The following RNF216 variants were observed in gnomAD, a reference collection of about 807,000 sequenced individuals.
RNF216 encodes ring finger protein 216, also known as E3 ubiquitin-protein ligase RNF216.
Under a neutral mutation model 110.8 loss-of-function variants are expected in RNF216, and 72 were observed. That is an observed-to-expected ratio of 0.65 (90% CI 0.54 to 0.79). The LOEUF (loss-of-function observed/expected upper bound fraction) is 0.79, where lower values mean the gene tolerates loss of function less well. Among genes scored for constraint, RNF216 ranks in the 30% least tolerant of loss-of-function variants. The pLI, the probability that RNF216 is intolerant of heterozygous loss-of-function variation, is 0.00. For missense variants in RNF216, 1,342 were observed against 1,141.2 expected, an observed-to-expected ratio of 1.18 and a Z score of -2.54; for synonymous variants, 495 against 407.5, an observed-to-expected ratio of 1.21 and a Z score of -2.59.
At chr7:5,684,545 C>T (rs921571122) in intron 13 of RNF216, among the ~76,000 whole-genome samples, 3 of 152,140 alleles carry the variant, frequency 2.0e-5, no homozygotes, top group Non-Finnish European at 2.9e-5. Context: ...CCATGCAGTT[C>T]GATGTTCCCT....
chr7:5,658,227 CTTTTCCAGCAATGA>C (rs1477582341), intron 13 of RNF216, among the ~76,000 whole-genome samples: 1 of 152,202 alleles, frequency 6.6e-6, no homozygotes, highest in African/African-American at 2.4e-5. Context: ...TAGTGAAACG[CTTTTCCAGCAATGA>C]CAGCCATTAA....
chr7:5,760,447 C>T (rs1176157187), intron 2 of RNF216: 5 of 385,438 alleles, frequency 1.3e-5, no homozygotes, highest in Non-Finnish European at 2.1e-5. Flanking sequence ...ACCCAGGAGG[C>T]GGAGCTCGTG....
At chr7:5,725,868 C>T (rs1793721935) in intron 7 of RNF216, among the ~76,000 whole-genome samples, 1 of 147,828 alleles carries the variant, frequency 6.8e-6, no homozygotes, top group African/African-American at 2.5e-5. Flanking sequence ...AAGGAATAGG[C>T]AGTGGTAAAA....
chr7:5,688,262 T>C (rs1791109629), intron 13 of RNF216, among the ~76,000 whole-genome samples: 1 of 152,158 alleles, frequency 6.6e-6, no homozygotes, highest in Non-Finnish European at 1.5e-5. Flanking sequence ...AAAATGTAAC[T>C]AGACAGTAAA....
At chr7:5,691,503 G>T (rs1208899621) in intron 13 of RNF216, among the ~76,000 whole-genome samples, 2 of 152,198 alleles carry the variant, frequency 1.3e-5, no homozygotes, top group Admixed American at 1.3e-4. Flanking sequence ...GGTGGGGAAG[G>T]CAGTGCTGGT....
intron 14 of RNF216, among the ~76,000 whole-genome samples, chr7:5,644,458 TGTTG>T (rs1454742193): frequency 6.6e-6 from 1 of 152,198 alleles, no homozygotes; most frequent in Non-Finnish European, 1.5e-5. Context: ...TTCATGTGCT[TGTTG>T]GTCATTTGTA....
chr7:5,750,066 G>A (rs1195143153), intron 3 of RNF216, among the ~76,000 whole-genome samples: 1 of 152,106 alleles, frequency 6.6e-6, no homozygotes, highest in Admixed American at 6.6e-5. Flanking sequence ...CTATTCATGA[G>A]TATTCTTATT....
At chr7:5,679,219 C>T (rs983644169) in intron 13 of RNF216, among the ~76,000 whole-genome samples, 11 of 151,940 alleles carry the variant, frequency 7.2e-5, no homozygotes, top group Non-Finnish European at 2.9e-5. Flanking sequence ...GGCGGGGGGG[C>T]GGTGCACACA....
At chr7:5,780,861 AG>A (rs1345317424) in intron 1 of RNF216, among the ~76,000 whole-genome samples, 1 of 152,188 alleles carries the variant, frequency 6.6e-6, no homozygotes, top group East Asian at 1.9e-4. Context: ...CGCACGCTCC[AG>A]GGTTGGTTGC....
chr7:5,667,953 T>C (rs548091100), intron 13 of RNF216, among the ~76,000 whole-genome samples: 23 of 152,330 alleles, frequency 1.5e-4, no homozygotes, highest in African/African-American at 5.3e-4. Context: ...GAAGTGCTGG[T>C]TCCAGGGTAC....
At chr7:5,742,384 A>C (rs556091613) in intron 3 of RNF216, among the ~76,000 whole-genome samples, 10 of 152,094 alleles carry the variant, frequency 6.6e-5, no homozygotes, top group Non-Finnish European at 1.2e-4. Context: ...TAAAACAAAA[A>C]TAACTCCACA....
chr7:5,664,560 C>G (rs1789379482), intron 13 of RNF216, among the ~76,000 whole-genome samples: 1 of 152,122 alleles, frequency 6.6e-6, no homozygotes, highest in African/African-American at 2.4e-5. Context: ...AACAGTAGAC[C>G]CTGAAAATGT....
Position 5,710,381 on chromosome 7 carries a change from A to C in RNF216, c.2061+1380T>G, listed in dbSNP as rs374635180. Among the ~76,000 whole-genome samples, 20 of 151,822 alleles carry C rather than the reference A, an allele frequency of 1.3e-4. No homozygotes were observed. The South Asian group carries it at 1.7e-3, about 13-fold the overall frequency. ...CCTCAAAACTTAAAAACAAAAACAA[A>C]AACAAAAAACGTCCTCAGAGAATAA... is the stretch of plus-strand genomic sequence containing the variant. On this transcript the variant is annotated intron_variant, in intron 13 of 16. Coordinates refer to ENST00000389902, the MANE Select transcript of RNF216 (RefSeq NM_207111.4).
At chr7:5,777,992 C>T (rs1470587453) in intron 1 of RNF216, among the ~76,000 whole-genome samples, 1 of 152,158 alleles carries the variant, frequency 6.6e-6, no homozygotes, top group African/African-American at 2.4e-5. Flanking sequence ...CTTTTTAGAA[C>T]TGAATCTTCT....
intron 1 of RNF216, among the ~76,000 whole-genome samples, chr7:5,764,120 G>A (rs369226029): frequency 6.6e-6 from 1 of 151,930 alleles, no homozygotes. Context: ...CAACCAGGGA[G>A]GCAGAGGTTG....
chr7:5,669,000 G>T (rs1485927473), intron 13 of RNF216, among the ~76,000 whole-genome samples: 1 of 152,188 alleles, frequency 6.6e-6, no homozygotes. Flanking sequence ...AATATGAGCA[G>T]GAGCATAAGT....
chr7:5,641,219 G>A lies in RNF216; in HGVS notation c.2317C>T (p.His773Tyr), dbSNP rs1288245422. 1 of 1,614,072 alleles carries A rather than the reference G, an allele frequency of 6.2e-7. No homozygotes were observed. The highest frequency in any genetic ancestry group is 8.5e-7 in the Non-Finnish European group (1 of 1,180,044). The change falls in exon 15 of 17, where the codon CAT becomes TAT. Residue 773 changes from histidine to tyrosine, a missense_variant. Physicochemically the swap from His to Tyr is moderately conservative, Grantham distance 83. Coordinates refer to ENST00000389902, the MANE Select transcript of RNF216 (RefSeq NM_207111.4). ...SINGYDHFCQHPRSPGAPCQE... is the reference protein window; with the variant it reads ...SINGYDHFCQYPRSPGAPCQE... Reference sequence around the variant, plus strand: ...CAAGGGGCTCCTGGTGAGCGGGGATGTTGGCAGAAATGGTCATATCCATTA... The same window carrying A: ...CAAGGGGCTCCTGGTGAGCGGGGATATTGGCAGAAATGGTCATATCCATTA...
intron 13 of RNF216, among the ~76,000 whole-genome samples, chr7:5,668,108 C>T (rs537850058): frequency 1.8e-4 from 28 of 152,244 alleles, no homozygotes; most frequent in Non-Finnish European, 3.4e-4. Context: ...GGATATCAGA[C>T]AGGACATCTT....
intron 2 of RNF216, among the ~76,000 whole-genome samples, chr7:5,759,671 G>A (rs1007159548): frequency 1.6e-5 from 2 of 121,974 alleles, no homozygotes; most frequent in African/African-American, 3.2e-5. Flanking sequence ...TTGCCCTGTC[G>A]CCCAGGCTGG....
Sources: gnomAD v4.1 joint callset for allele counts (sites outside exome capture counted in the v4.1 genomes callset) on GRCh38, gnomAD v4.1.1 for gene constraint, MANE v1.5 for transcripts, NCBI Gene and HGNC (gene_info 2026-07-23, HGNC 2026-07-21) for gene names.